The following PPP6R3 variants were observed in gnomAD, a reference collection of about 807,000 sequenced individuals.
The protein encoded by PPP6R3 is serine/threonine-protein phosphatase 6 regulatory subunit 3.
In PPP6R3, 38 loss-of-function variants were observed where a neutral mutation model predicts 110.7. The ratio of observed to expected loss-of-function variants is 0.34; its 90% CI spans 0.26 to 0.45. The LOEUF (loss-of-function observed/expected upper bound fraction) is 0.45, where lower values mean the gene tolerates loss of function less well. Among genes scored for constraint, PPP6R3 ranks in the 20% least tolerant of loss-of-function variants. The pLI is 1.00. For missense variants in PPP6R3, 870 were observed against 1,062.4 expected, an observed-to-expected ratio of 0.82 and a Z score of 2.52; for synonymous variants, 369 against 373.5, an observed-to-expected ratio of 0.99 and a Z score of 0.14.
intron 1 of PPP6R3, among the ~76,000 whole-genome samples, chr11:68,468,714 C>T (rs1353424403): frequency 1.3e-5 from 2 of 152,164 alleles, no homozygotes; most frequent in African/African-American, 4.8e-5. Flanking sequence ...AATTTTCTTC[C>T]TCCAAATTTG....
intron 1 of PPP6R3, among the ~76,000 whole-genome samples, chr11:68,511,116 G>GTC (rs1392503129): frequency 2.0e-5 from 3 of 149,272 alleles, no homozygotes; most frequent in Non-Finnish European, 1.5e-5. Flanking sequence ...CGCCCAGGCT[G>GTC]GAGTGCAATG....
chr11:68,585,745 A>G (rs1028644452), intron 15 of PPP6R3, among the ~76,000 whole-genome samples: 8 of 152,202 alleles, frequency 5.3e-5, no homozygotes, highest in Non-Finnish European at 7.3e-5. Context: ...GCATTATTGC[A>G]TGGAAGTTAC....
chr11:68,547,476 A>G (rs1055907186), intron 4 of PPP6R3, among the ~76,000 whole-genome samples: 1 of 152,212 alleles, frequency 6.6e-6, no homozygotes, highest in African/African-American at 2.4e-5. Flanking sequence ...TTCCGTGGCC[A>G]TTCTCACGTT....
intron 11 of PPP6R3, 75 bp from the exon 12 acceptor site, chr11:68,570,965 A>G (rs1479468152): frequency 2.0e-6 from 3 of 1,513,722 alleles, no homozygotes; most frequent in Non-Finnish European, 2.7e-6. Flanking sequence ...ATTCTCTTTA[A>G]CCTAGAGTTC....
intron 14 of PPP6R3, among the ~76,000 whole-genome samples, chr11:68,578,998 C>A (rs1486348527): frequency 6.6e-6 from 1 of 152,158 alleles, no homozygotes; most frequent in East Asian, 1.9e-4. Context: ...GAGTTTGTTT[C>A]ATTTTTTGCC....
At chr11:68,479,047 C>T (rs1005531940) in intron 1 of PPP6R3, among the ~76,000 whole-genome samples, 1 of 152,192 alleles carries the variant, frequency 6.6e-6, no homozygotes, top group Non-Finnish European at 1.5e-5. Flanking sequence ...CCATCTCAGC[C>T]ATCCATGTTG....
intron 14 of PPP6R3, among the ~76,000 whole-genome samples, chr11:68,577,728 C>T (rs1030202970): frequency 1.3e-5 from 2 of 151,988 alleles, no homozygotes; most frequent in Non-Finnish European, 2.9e-5. Context: ...GTGGTCATCC[C>T]GCAAAAATAA....
At chr11:68,538,845 C>T (rs757573474) in intron 3 of PPP6R3, among the ~76,000 whole-genome samples, 12 of 152,178 alleles carry the variant, frequency 7.9e-5, no homozygotes, top group Non-Finnish European at 1.2e-4. Context: ...AAAGGCTGGG[C>T]GCGGTGGCTC....
At chr11:68,551,224 A>T in intron 6 of PPP6R3, 38 bp downstream of exon 6, 3 of 1,496,198 alleles carry the variant, frequency 2.0e-6, no homozygotes, top group South Asian at 2.4e-5. Flanking sequence ...TGATTAGAAA[A>T]AAAAAACAAA....
At position 68,548,117 on chromosome 11, in the gene PPP6R3, G is replaced by C; in HGVS notation, c.465G>C (p.Lys155Asn). 6.2e-7 allele frequency: 1 copy of C among 1,613,896 alleles called. No homozygotes were observed. The highest frequency in any genetic ancestry group is 8.5e-7 in the Non-Finnish European group (1 of 1,179,758). ...ATGATTTTGTAGACCTTATTATAAAGCACATAGGAACTTCTGCTATCATGG... is the reference window on the plus strand; with the variant it reads ...ATGATTTTGTAGACCTTATTATAAACCACATAGGAACTTCTGCTATCATGG... ...KKHDFVDLII[K>N]HIGTSAIMDL... The change falls in exon 5 of 24, where the codon AAG becomes AAC. Residue 155 changes from lysine to asparagine, a missense_variant. Transcript: ENST00000393800.
chr11:68,461,269 A>C (rs1313985559), intron 1 of PPP6R3, among the ~76,000 whole-genome samples: 1 of 151,908 alleles, frequency 6.6e-6, no homozygotes, highest in Non-Finnish European at 1.5e-5. Flanking sequence ...GAGCGCGTCA[A>C]GTTGAGGCAG....
intron 3 of PPP6R3, among the ~76,000 whole-genome samples, chr11:68,538,506 A>G (rs2099284202): frequency 6.6e-6 from 1 of 152,180 alleles, no homozygotes; most frequent in Non-Finnish European, 1.5e-5. Context: ...AACTCTATTG[A>G]AATATTTGGC....
At chr11:68,531,148 G>T (rs1208822060) in intron 2 of PPP6R3, among the ~76,000 whole-genome samples, 4 of 151,918 alleles carry the variant, frequency 2.6e-5, no homozygotes, top group Non-Finnish European at 5.9e-5. Context: ...TTGAATATAT[G>T]TATTTAAATT....
At chr11:68,598,453 C>A (rs937095040) in intron 19 of PPP6R3, among the ~76,000 whole-genome samples, 1 of 152,124 alleles carries the variant, frequency 6.6e-6, no homozygotes, top group Non-Finnish European at 1.5e-5. Flanking sequence ...ACCTACCTCC[C>A]GGGGTTAAGT....
intron 1 of PPP6R3, among the ~76,000 whole-genome samples, chr11:68,497,573 T>A (rs2099025171): frequency 6.6e-6 from 1 of 151,998 alleles, no homozygotes; most frequent in Non-Finnish European, 1.5e-5. Context: ...CATGCTGGTC[T>A]CAAACTCCTG....
At chr11:68,580,705 A>G (rs896984988) in intron 14 of PPP6R3, among the ~76,000 whole-genome samples, 1 of 147,984 alleles carries the variant, frequency 6.8e-6, no homozygotes, top group Non-Finnish European at 1.5e-5. Context: ...TAATGAACCA[A>G]TGGGATTCTG....
At chr11:68,569,681 A>G in intron 10 of PPP6R3, 67 bp from the exon 11 acceptor site, 1 of 1,306,340 alleles carries the variant, frequency 7.7e-7, no homozygotes, top group Non-Finnish European at 1.0e-6. Flanking sequence ...ACTGTTCTGT[A>G]AATGTATTTA....
intron 19 of PPP6R3, among the ~76,000 whole-genome samples, chr11:68,599,337 C>T (rs2099623587): frequency 6.6e-6 from 1 of 152,228 alleles, no homozygotes; most frequent in Admixed American, 6.5e-5. Flanking sequence ...TCAGAAGGGA[C>T]ACATGTCTGA....
At chr11:68,508,121 CTTTTTTTTTT>C (rs748376581) in intron 1 of PPP6R3, among the ~76,000 whole-genome samples, 3 of 77,622 alleles carry the variant, frequency 3.9e-5, no homozygotes, top group Non-Finnish European at 6.6e-5. Context: ...GTTTTTTGGC[CTTTTTTTTTT>C]TTTTTTTTTT....
Sources: allele counts gnomAD v4.1 joint callset (sites outside exome capture counted in the v4.1 genomes callset), GRCh38; gene constraint gnomAD v4.1.1; transcripts MANE v1.5; gene names NCBI Gene and HGNC (gene_info 2026-07-23, HGNC 2026-07-21).